The following IKBKB-DT variants were observed in gnomAD, a reference collection of about 807,000 sequenced individuals.
The protein encoded by IKBKB-DT is IKBKB divergent transcript.
At chr8:42,250,632 C>T (rs971624469) in intron 3 of IKBKB-DT, among the ~76,000 whole-genome samples, 1 of 152,098 alleles carries the variant, frequency 6.6e-6, no homozygotes, top group Non-Finnish European at 1.5e-5. Flanking sequence ...AAAGACAGGG[C>T]CGGGAGGGGT....
intron 3 of IKBKB-DT, among the ~76,000 whole-genome samples, chr8:42,259,626 A>G (rs183231839): frequency 2.6e-5 from 4 of 152,300 alleles, no homozygotes; most frequent in Non-Finnish European, 5.9e-5. Flanking sequence ...CTATTTTTAT[A>G]ACTGCCTGAC....
At chr8:42,249,966 AAT>A (rs1807111000) in intron 3 of IKBKB-DT, among the ~76,000 whole-genome samples, 3 of 152,138 alleles carry the variant, frequency 2.0e-5, no homozygotes, top group Non-Finnish European at 4.4e-5. Flanking sequence ...CTGCCCAGTG[AAT>A]TCTTGTCCAC....
At chr8:42,248,859 G>A (rs1216011696) in intron 3 of IKBKB-DT, among the ~76,000 whole-genome samples, 5 of 142,696 alleles carry the variant, frequency 3.5e-5, no homozygotes, top group Non-Finnish European at 1.5e-5. Context: ...CCTGGCAACA[G>A]AGGCTCTACC....
At chr8:42,245,498 T>C (rs906190243) in intron 3 of IKBKB-DT, among the ~76,000 whole-genome samples, 1 of 152,130 alleles carries the variant, frequency 6.6e-6, no homozygotes, top group Non-Finnish European at 1.5e-5. Context: ...CACACAGAAA[T>C]GTGTTGGAGA....
intron 1 of IKBKB-DT, among the ~76,000 whole-genome samples, chr8:42,269,154 A>C (rs769008174): frequency 1.8e-4 from 27 of 150,832 alleles, no homozygotes; most frequent in Admixed American, 3.3e-4. Flanking sequence ...CCATGTCAAC[A>C]AAATAAAATT....
chr8:42,241,240 T>C (rs1806999417), intron 3 of IKBKB-DT, among the ~76,000 whole-genome samples: 1 of 56,438 alleles, frequency 1.8e-5, no homozygotes, highest in Admixed American at 1.4e-4. Flanking sequence ...TTTTTTTTTT[T>C]TTTTTTTTTT....
Position 42,268,419 on chromosome 8 carries a change from G to A in IKBKB-DT, n.604-2023C>T, listed in dbSNP as rs541806516. Among the ~76,000 whole-genome samples the A allele has an allele frequency of 9.2e-5, 14 of 152,212 alleles. No homozygotes were observed. In the East Asian group the frequency reaches 2.7e-3, roughly 29 times the overall value. On this transcript the variant is annotated intron_variant and non_coding_transcript_variant, in intron 1 of 3. Transcript: ENST00000518213. ...CAAAGTGCTGGCATTACAGGTGTAA[G>A]CCACTGTGCCTGGCCTAATTTTTGT... is the stretch of plus-strand genomic sequence containing the variant.
chr8:42,257,675 T>C (rs1355653283), intron 3 of IKBKB-DT, among the ~76,000 whole-genome samples: 1 of 152,120 alleles, frequency 6.6e-6, no homozygotes, highest in African/African-American at 2.4e-5. Context: ...GGCTCATGCC[T>C]ATAATCCCAG....
intron 3 of IKBKB-DT, among the ~76,000 whole-genome samples, chr8:42,244,372 C>A (rs975965477): frequency 6.6e-6 from 1 of 152,100 alleles, no homozygotes; most frequent in African/African-American, 2.4e-5. Flanking sequence ...GGGGGCTTCC[C>A]GGGCAGTTCC....
At chr8:42,237,382 G>A (rs570752968) in intron 3 of IKBKB-DT, among the ~76,000 whole-genome samples, 12 of 152,076 alleles carry the variant, frequency 7.9e-5, no homozygotes, top group Admixed American at 5.2e-4. Flanking sequence ...CACCATGCCC[G>A]GCCTAGTCTT....
At chr8:42,264,476 C>T (rs1221929967) in intron 2 of IKBKB-DT, among the ~76,000 whole-genome samples, 1 of 152,138 alleles carries the variant, frequency 6.6e-6, no homozygotes, top group Non-Finnish European at 1.5e-5. Flanking sequence ...TTTGTTGTTG[C>T]TGAGGCTAAC....
intron 3 of IKBKB-DT, among the ~76,000 whole-genome samples, chr8:42,242,216 A>AAAAT (rs963016016): frequency 1.3e-5 from 2 of 152,122 alleles, no homozygotes; most frequent in African/African-American, 4.8e-5. Context: ...CTCCATCTCA[A>AAAAT]AAATAAATAA....
At chr8:42,253,400 C>A (rs1350677545) in intron 3 of IKBKB-DT, among the ~76,000 whole-genome samples, 3 of 152,144 alleles carry the variant, frequency 2.0e-5, no homozygotes, top group African/African-American at 7.2e-5. Flanking sequence ...GAGTCTGACT[C>A]TTCATCGATA....
At chr8:42,246,238 G>A (rs1807061561) in intron 3 of IKBKB-DT, among the ~76,000 whole-genome samples, 1 of 152,106 alleles carries the variant, frequency 6.6e-6, no homozygotes, top group Non-Finnish European at 1.5e-5. Context: ...ATGTTGTCCA[G>A]GGTGGTCTCA....
chr8:42,270,365 A>C (rs1312281453), intron 1 of IKBKB-DT: 1 of 152,118 alleles, frequency 6.6e-6, no homozygotes, highest in African/African-American at 2.4e-5. Flanking sequence ...TAGTCAGGAG[A>C]ATCACTTGAG....
intron 3 of IKBKB-DT, among the ~76,000 whole-genome samples, chr8:42,236,203 G>T (rs979934782): frequency 1.3e-5 from 2 of 149,356 alleles, no homozygotes; most frequent in Non-Finnish European, 1.5e-5. Context: ...GTCTTGCCAT[G>T]TTGCACAGGC....
intron 3 of IKBKB-DT, among the ~76,000 whole-genome samples, chr8:42,252,251 C>T (rs1180930507): frequency 6.6e-6 from 1 of 152,210 alleles, no homozygotes; most frequent in East Asian, 1.9e-4. Context: ...AGGTCTTGTG[C>T]CCTATGTAAA....
chr8:42,241,989 G>A (rs865817966), intron 3 of IKBKB-DT, among the ~76,000 whole-genome samples: 10 of 152,034 alleles, frequency 6.6e-5, no homozygotes, highest in South Asian at 4.2e-4. Flanking sequence ...CGAAGCGGGC[G>A]GATCACCTTG....
chr8:42,262,258 TG>T (rs1370534011), intron 3 of IKBKB-DT, among the ~76,000 whole-genome samples: 1 of 150,148 alleles, frequency 6.7e-6, no homozygotes, highest in Non-Finnish European at 1.5e-5. Context: ...AATGTGCACA[TG>T]TACCCTAAAA....
Sources: allele counts gnomAD v4.1 joint callset (sites outside exome capture counted in the v4.1 genomes callset), GRCh38; gene constraint gnomAD v4.1.1; transcripts MANE v1.5; gene names NCBI Gene and HGNC (gene_info 2026-07-23, HGNC 2026-07-21).